PROX1: variants seen among roughly 807,000 people sequenced by gnomAD.
PROX1 encodes prospero homeobox 1.
PROX1 carries 7 observed loss-of-function variants against 58.8 expected under a neutral mutation model. The ratio of observed to expected loss-of-function variants is 0.12; its 90% CI spans 0.07 to 0.22. The LOEUF (loss-of-function observed/expected upper bound fraction) is 0.22, where lower values mean the gene tolerates loss of function less well. PROX1 is among the 10% of genes least tolerant of loss of function. The pLI is 1.00. For synonymous variants in PROX1, 350 were observed against 358.3 expected (o/e 0.98, Z 0.26); for missense variants, 675 against 927.8 (o/e 0.73, Z 3.54).
chr1:214,037,150 C>T lies in PROX1; in HGVS notation c.*1316C>T, dbSNP rs1031699462. On this transcript the variant is annotated 3_prime_UTR_variant, in exon 5 of 5. Transcript: ENST00000366958. ...TCTTCCATGGTTCTCCTCTTTTTTC[C>T]CTTTTATTTTTCCCTGTTTTTCAAT... is the stretch of plus-strand genomic sequence containing the variant. 3 of 152,062 alleles carry T rather than the reference C, an allele frequency of 2.0e-5. No homozygotes were observed. Among genetic ancestry groups the T allele is most frequent in the Non-Finnish European group, 4.4e-5 (3 of 68,010 alleles). 9.4% of individuals were successfully genotyped at this position (152,062 alleles called of 1,614,324 possible).
intron 4 of PROX1, among the ~76,000 whole-genome samples, chr1:214,014,099 C>A (rs1664011496): frequency 6.6e-6 from 1 of 152,220 alleles, no homozygotes; most frequent in Admixed American, 6.5e-5. Flanking sequence ...CCCTTCTTTT[C>A]CGTGCCTTTG....
chr1:214,028,784 CCT>C (rs1475910163), intron 4 of PROX1: 6 of 152,212 alleles, frequency 3.9e-5, no homozygotes, highest in African/African-American at 1.4e-4. Flanking sequence ...TTCTGGAGGG[CCT>C]GTTAGTCCCC....
chr1:214,010,899 G>A (rs150219111), intron 3 of PROX1, among the ~76,000 whole-genome samples: 2 of 152,266 alleles, frequency 1.3e-5, no homozygotes, highest in African/African-American at 2.4e-5. Context: ...CAGGCACCAG[G>A]AGCTGACCAG....
chr1:213,994,120 G>A (rs966815045), intron 1 of PROX1, among the ~76,000 whole-genome samples: 3 of 152,134 alleles, frequency 2.0e-5, no homozygotes, highest in African/African-American at 7.2e-5. Flanking sequence ...GAAAAGGAAG[G>A]ATGCCTGGGG....
chr1:213,999,919 T>C (rs1663431696), intron 2 of PROX1, among the ~76,000 whole-genome samples: 1 of 152,108 alleles, frequency 6.6e-6, no homozygotes. Context: ...AAAAAGAGCA[T>C]CTTCAGAGGT....
Position 213,998,039 on chromosome 1 carries a change from G to A in PROX1, c.1504G>A (p.Gly502Ser), listed in dbSNP as rs1037268126. 2.5e-6 allele frequency: 4 copies of A among 1,611,964 alleles called. No homozygotes were observed. In the South Asian group the frequency reaches 3.3e-5, roughly 13 times the overall value. The part of the protein sequence containing the change: ...PFQSPLGAPS[G>S]SFSGKDRASP... The stretch of plus-strand genomic sequence containing the variant: ...TCAGAGCCCATTAGGTGCTCCCTCC[G>A]GCTCCTTCTCTGGAAAAGACAGAGC... Residue 502 changes from glycine to serine, a missense_variant, in exon 2 of 5, where the codon GGC becomes AGC. Gly to Ser is a moderately conservative substitution (Grantham distance 56). This residue lies in a region of PROX1 where 403 missense variants were observed against 477.4 expected (regional missense o/e 0.84). Coordinates refer to ENST00000366958, the MANE Select transcript of PROX1 (RefSeq NM_001270616.2).
At position 214,006,900 on chromosome 1, in the gene PROX1, A is replaced by G. The variant is rs147605631; in HGVS notation, c.1833+1628A>G. Reference sequence around the variant, plus strand: ...CTTTGCATAGCAATTTTCACCCAGAAGTAGGCCAAAGAGCTTTACCAACTG... The same window carrying G: ...CTTTGCATAGCAATTTTCACCCAGAGGTAGGCCAAAGAGCTTTACCAACTG... On this transcript the variant is annotated intron_variant, in intron 3 of 4. Transcript: ENST00000366958. Among the ~76,000 whole-genome samples the G allele has an allele frequency of 5.9e-3, 905 of 152,328 alleles. 1 individual carries two copies. Among genetic ancestry groups the G allele is most frequent in the Non-Finnish European group, 0.011 (718 of 68,028 alleles).
chr1:214,009,461 G>A (rs185617546), intron 3 of PROX1, among the ~76,000 whole-genome samples: 8 of 152,158 alleles, frequency 5.3e-5, no homozygotes, highest in African/African-American at 1.7e-4. Flanking sequence ...CTAGAAAAGC[G>A]GGGGCTTGCT....
Position 214,037,577 on chromosome 1 carries a change from A to G in PROX1, c.*1743A>G, listed in dbSNP as rs1384905156. On this transcript the variant is annotated 3_prime_UTR_variant, in exon 5 of 5. Coordinates refer to ENST00000366958, the MANE Select transcript of PROX1 (RefSeq NM_001270616.2). Reference sequence around the variant, plus strand: ...TTAAAACCTGCTGACTTTAAATTAAATGGTGCAGTCCTATGATGCCCTGCA... The same window carrying G: ...TTAAAACCTGCTGACTTTAAATTAAGTGGTGCAGTCCTATGATGCCCTGCA... 3 of 152,170 alleles carry G rather than the reference A, an allele frequency of 2.0e-5. No homozygotes were observed. The highest frequency in any genetic ancestry group is 2.9e-5 in the Non-Finnish European group (2 of 68,046). The allele number at this position is 152,170 out of a possible 1,614,324, so 9.4% of individuals were successfully genotyped here.
chr1:214,020,401 C>T (rs1289552634), intron 4 of PROX1, among the ~76,000 whole-genome samples: 1 of 152,210 alleles, frequency 6.6e-6, no homozygotes, highest in East Asian at 1.9e-4. Flanking sequence ...CTACCCTCTC[C>T]CAAAACCACT....
intron 3 of PROX1, among the ~76,000 whole-genome samples, chr1:214,009,415 T>C (rs1416189592): frequency 6.6e-6 from 1 of 152,240 alleles, no homozygotes; most frequent in Non-Finnish European, 1.5e-5. Context: ...ATTAACTCTT[T>C]AAAGTTTAAT....
chr1:214,007,341 C>G (rs1663752337), intron 3 of PROX1, among the ~76,000 whole-genome samples: 1 of 152,216 alleles, frequency 6.6e-6, no homozygotes, highest in African/African-American at 2.4e-5. Context: ...AGTCTGGTTA[C>G]TACCAATTAT....
intron 4 of PROX1, among the ~76,000 whole-genome samples, chr1:214,015,291 T>C (rs751424547): frequency 6.6e-5 from 10 of 152,014 alleles, no homozygotes; most frequent in Admixed American, 1.3e-4. Context: ...GAGAGGGGTG[T>C]GTAATTATGT....
Position 214,032,153 on chromosome 1 carries a change from A to T in PROX1, c.2029-3496A>T, listed in dbSNP as rs951557398. Among the ~76,000 whole-genome samples the T allele has an allele frequency of 4.6e-5, 7 of 152,322 alleles. No individual in the cohort carries two copies. The South Asian group carries it at 1.4e-3, about 32-fold the overall frequency. On this transcript the variant is annotated intron_variant, in intron 4 of 4. Coordinates refer to ENST00000366958, the MANE Select transcript of PROX1 (RefSeq NM_001270616.2). ...ACTAGATTCTCTGTGGTTTTTCAAG[A>T]TTACAGAGGCACAGCTTTTCAAGGT...
chr1:214,019,870 T>C (rs145795847), intron 4 of PROX1, among the ~76,000 whole-genome samples: 2 of 152,338 alleles, frequency 1.3e-5, no homozygotes, highest in African/African-American at 4.8e-5. Context: ...TTTGTGTAGC[T>C]GATGATCATG....
At chr1:214,010,420 C>T (rs1663868054) in intron 3 of PROX1, among the ~76,000 whole-genome samples, 1 of 152,150 alleles carries the variant, frequency 6.6e-6, no homozygotes, top group Non-Finnish European at 1.5e-5. Context: ...TAGCTGTCAT[C>T]TTGTTGGAGT....
Position 214,011,620 on chromosome 1 carries a change from G to T in PROX1, c.1933G>T (p.Asp645Tyr), listed in dbSNP as rs773788297. Residue 645 changes from aspartate (D) to tyrosine (Y), a missense_variant, in exon 4 of 5, where the codon GAT (aspartate) becomes TAT (tyrosine). Coordinates refer to ENST00000366958, the MANE Select transcript of PROX1 (RefSeq NM_001270616.2). Reference protein sequence around the residue: ...MEKYARQAINDGVTSTEELSI... With the variant: ...MEKYARQAINYGVTSTEELSI... The stretch of plus-strand genomic sequence containing the variant: ...GAAGTACGCACGTCAAGCCATCAAC[G>T]ATGGGGTCACCAGTACTGAAGAGCT... The T allele has an allele frequency of 6.2e-7, 1 of 1,614,090 alleles. No individual in the cohort carries two copies. The highest frequency in any genetic ancestry group is 1.3e-5 in the African/African-American group (1 of 75,050).
chr1:213,984,561 C>A (rs906636679), upstream of PROX1: 1 of 152,316 alleles, frequency 6.6e-6, no homozygotes, highest in Admixed American at 6.5e-5. Flanking sequence ...TTCACTTCCC[C>A]CCCATTCAGA....
chr1:213,991,693 C>G (rs1035306398), intron 1 of PROX1, among the ~76,000 whole-genome samples: 17 of 152,200 alleles, frequency 1.1e-4, no homozygotes, highest in African/African-American at 3.6e-4. Flanking sequence ...GCAGCACATG[C>G]TATCTTAAAA....
Sources: gnomAD v4.1 joint callset for allele counts (sites outside exome capture counted in the v4.1 genomes callset) on GRCh38, gnomAD v4.1.1 for gene constraint, gnomAD v4.1.1 regional missense constraint, MANE v1.5 for transcripts, NCBI Gene and HGNC (gene_info 2026-07-23, HGNC 2026-07-21) for gene names.